Variants in KCTD16 observed in about 807,000 individuals in gnomAD.
KCTD16 encodes BTB/POZ domain-containing protein KCTD16.
KCTD16 carries 13 observed loss-of-function variants against 33.2 expected under a neutral mutation model. The ratio of observed to expected loss-of-function variants is 0.39; its 90% CI spans 0.25 to 0.62. KCTD16 has a LOEUF of 0.62. KCTD16 is among the 20% of genes least tolerant of loss of function. KCTD16 has a pLI of 0.50. For synonymous variants in KCTD16, 197 were observed against 195.3 expected (o/e 1.01, Z -0.07); for missense variants, 441 against 525.1 (o/e 0.84, Z 1.57).
At chr5:144,402,311 C>T (rs968548962) in intron 3 of KCTD16, among the ~76,000 whole-genome samples, 1 of 152,118 alleles carries the variant, frequency 6.6e-6, no homozygotes, top group Non-Finnish European at 1.5e-5. Context: ...TCTCCTTCCC[C>T]ACCTCTCCTT....
At chr5:144,175,847 G>A (rs560907304) in intron 2 of KCTD16, among the ~76,000 whole-genome samples, 20 of 152,140 alleles carry the variant, frequency 1.3e-4, no homozygotes, top group Non-Finnish European at 2.8e-4. Context: ...AATCTATGTA[G>A]CTACAGAAGC....
chr5:144,172,469 A>G (rs1283498837), intron 1 of KCTD16, among the ~76,000 whole-genome samples: 2 of 152,208 alleles, frequency 1.3e-5, no homozygotes, highest in Non-Finnish European at 2.9e-5. Context: ...AATTATTGTT[A>G]ACTATAGCTA....
rs762651825 is a variant in KCTD16, at chr5:144,207,580, G to A, written c.832+34G>A. The stretch of plus-strand genomic sequence containing the variant: ...AAAGGGTTGTTTTAATTTTTTATGT[G>A]TGTCAATGCTCTTCACAAATGTATA... On this transcript the variant is annotated intron_variant, in intron 3 of 3. Transcript: ENST00000512467. 5.6e-6 allele frequency: 8 copies of A among 1,438,778 alleles called. No individual in the cohort carries two copies. The Admixed American group carries it at 1.1e-4, about 19-fold the overall frequency. The allele number at this position is 1,438,778 out of a possible 1,614,324, so 89.1% of individuals were successfully genotyped here. A position where few individuals can be genotyped will look rare whatever the true frequency, so the allele number is the denominator to read the frequency against.
chr5:144,472,629 C>A (rs1389195826), intron 3 of KCTD16, among the ~76,000 whole-genome samples: 1 of 152,178 alleles, frequency 6.6e-6, no homozygotes, highest in African/African-American at 2.4e-5. Context: ...TATTGAATTT[C>A]TACATTGTTC....
chr5:144,262,744 T>C (rs1479096781), intron 3 of KCTD16, among the ~76,000 whole-genome samples: 1 of 152,224 alleles, frequency 6.6e-6, no homozygotes, highest in Non-Finnish European at 1.5e-5. Flanking sequence ...GCCCTACTCA[T>C]TTAGAAATCT....
intron 3 of KCTD16, among the ~76,000 whole-genome samples, chr5:144,453,918 G>A (rs960547979): frequency 6.6e-6 from 1 of 152,028 alleles, no homozygotes; most frequent in Non-Finnish European, 1.5e-5. Flanking sequence ...GTGAGGCCCC[G>A]TTTACTCTAG....
At chr5:144,347,738 G>T (rs975889841) in intron 3 of KCTD16, among the ~76,000 whole-genome samples, 2 of 152,194 alleles carry the variant, frequency 1.3e-5, no homozygotes, top group African/African-American at 4.8e-5. Flanking sequence ...TGAATGCGCT[G>T]ACAGCTGTCC....
intron 2 of KCTD16, among the ~76,000 whole-genome samples, chr5:144,181,241 AACTT>A (rs1162846125): frequency 6.6e-6 from 1 of 152,170 alleles, no homozygotes; most frequent in Non-Finnish European, 1.5e-5. Context: ...CCTATACTGC[AACTT>A]TTTATGCAAA....
In KCTD16 at chr5:144,479,062, G is replaced by GAGA. The variant is rs1488471805; in HGVS notation, c.*4949_*4951dup. ...AATAAAAATAATGATCTTTCCCAAG[G>GAGA]AGAGTTGTTTATTTCTAGGCCCTTA... On this transcript the variant is annotated 3_prime_UTR_variant, in exon 4 of 4. Coordinates refer to ENST00000512467, the MANE Select transcript of KCTD16 (RefSeq NM_020768.4). The GAGA allele has an allele frequency of 6.6e-6, 1 of 151,962 alleles. No individual in the cohort carries two copies. The highest frequency in any genetic ancestry group is 6.6e-5 in the Admixed American group (1 of 15,230). 9.4% of individuals were successfully genotyped at this position (151,962 alleles called of 1,614,324 possible).
At chr5:144,423,854 G>T (rs755597243) in intron 3 of KCTD16, among the ~76,000 whole-genome samples, 1 of 152,038 alleles carries the variant, frequency 6.6e-6, no homozygotes, top group Non-Finnish European at 1.5e-5. Context: ...CCAACCTTTT[G>T]TCTTCCCTAG....
At chr5:144,398,291 A>G (rs893385221) in intron 3 of KCTD16, among the ~76,000 whole-genome samples, 4 of 152,210 alleles carry the variant, frequency 2.6e-5, no homozygotes, top group African/African-American at 9.6e-5. Flanking sequence ...ATTTACCATT[A>G]AAATGGTGGT....
intron 3 of KCTD16, among the ~76,000 whole-genome samples, chr5:144,398,703 C>T (rs903718781): frequency 6.6e-6 from 1 of 151,326 alleles, no homozygotes; most frequent in Admixed American, 6.6e-5. Context: ...ATTACACACA[C>T]ACACACTCTC....
chr5:144,367,941 A>G (rs904100212), intron 3 of KCTD16, among the ~76,000 whole-genome samples: 2 of 151,658 alleles, frequency 1.3e-5, no homozygotes, highest in African/African-American at 4.9e-5. Context: ...ATTCTGAAAT[A>G]TTAAACTCTT....
intron 3 of KCTD16, among the ~76,000 whole-genome samples, chr5:144,304,213 T>G (rs537855583): frequency 6.6e-6 from 1 of 152,320 alleles, no homozygotes; most frequent in South Asian, 2.1e-4. Flanking sequence ...GTGTCATAGT[T>G]AAATCCAAGT....
intron 3 of KCTD16, among the ~76,000 whole-genome samples, chr5:144,409,144 A>G (rs556677068): frequency 2.2e-4 from 33 of 152,216 alleles, no homozygotes; most frequent in Non-Finnish European, 3.7e-4. Flanking sequence ...CAAGAGATCT[A>G]TGTTCTGTTT....
chr5:144,338,252 G>A (rs1269019581), intron 3 of KCTD16, among the ~76,000 whole-genome samples: 1 of 152,096 alleles, frequency 6.6e-6, no homozygotes, highest in South Asian at 2.1e-4. Flanking sequence ...TCCTCCAGAG[G>A]CATTGATTTG....
chr5:144,323,244 C>T (rs17101788), intron 3 of KCTD16, among the ~76,000 whole-genome samples: 12,591 of 152,096 alleles, frequency 0.083, 1,264 homozygotes, highest in African/African-American at 0.23. Context: ...CCAACTGGGG[C>T]GCTAAAAAGC....
rs955656142 is a variant in KCTD16 at position 144,479,140 on chromosome 5, T to C, written c.*5026T>C. On this transcript the variant is annotated 3_prime_UTR_variant, in exon 4 of 4. Coordinates refer to ENST00000512467, the MANE Select transcript of KCTD16 (RefSeq NM_020768.4). ...GTGATCCATAATTTAATGGTGTATA[T>C]GGCCCCAAAGGTGATTCCATTAACT... 6 of 151,866 alleles carry C rather than the reference T, an allele frequency of 4.0e-5. No individual in the cohort carries two copies. Among genetic ancestry groups the C allele is most frequent in the African/African-American group, 1.2e-4 (5 of 41,380 alleles). The allele number at this position is 151,866 out of a possible 1,614,324, so 9.4% of individuals were successfully genotyped here.
chr5:144,299,916 C>A (rs61188315), intron 3 of KCTD16, among the ~76,000 whole-genome samples: 4,328 of 131,202 alleles, frequency 0.033, 225 homozygotes, highest in African/African-American at 0.1. Flanking sequence ...AAAAAAAAAA[C>A]AAAAAACAAA....
Sources: gnomAD v4.1 joint callset for allele counts (sites outside exome capture counted in the v4.1 genomes callset) on GRCh38, gnomAD v4.1.1 for gene constraint, MANE v1.5 for transcripts, NCBI Gene and HGNC (gene_info 2026-07-23, HGNC 2026-07-21) for gene names.